STX8: variants seen among roughly 807,000 people sequenced by gnomAD.
The protein encoded by STX8 is syntaxin 8.
In STX8, 23 loss-of-function variants were observed where a neutral mutation model predicts 37.5. The observed-to-expected ratio is 0.61, with a 90% CI of 0.44 to 0.87. The LOEUF (loss-of-function observed/expected upper bound fraction) is 0.87, where lower values mean the gene tolerates loss of function less well. STX8 is among the 40% of genes least tolerant of loss of function. STX8 has a pLI of 0.00. For synonymous variants in STX8, 115 were observed against 99.1 expected, an observed-to-expected ratio of 1.16 and a Z score of -0.95; for missense variants, 313 against 284.7, an observed-to-expected ratio of 1.10 and a Z score of -0.71.
intron 6 of STX8, among the ~76,000 whole-genome samples, chr17:9,434,834 T>C (rs2142376776): frequency 6.6e-6 from 1 of 152,334 alleles, no homozygotes; most frequent in South Asian, 2.1e-4. Context: ...AGGTGGGTTA[T>C]TTAGACCTTT....
chr17:9,256,286 T>A lies in STX8; in HGVS notation c.644-5641A>T, dbSNP rs140417901. ...CACCAGTGGAGCTTGAGTGGAGGCA[T>A]CCTGATTCGAGACAGTGTGGGGGTC... On this transcript the variant is annotated intron_variant, in intron 7 of 7. Coordinates refer to ENST00000306357, the MANE Select transcript of STX8 (RefSeq NM_004853.3). Among the ~76,000 whole-genome samples, 268 of 152,310 alleles carry A rather than the reference T, an allele frequency of 1.8e-3. 4 individuals carry two copies. The highest frequency in any genetic ancestry group is 6.1e-3 in the African/African-American group (252 of 41,576).
At chr17:9,301,288 C>CAAT (rs1908772102) in intron 7 of STX8, among the ~76,000 whole-genome samples, 1 of 151,990 alleles carries the variant, frequency 6.6e-6, no homozygotes, top group Admixed American at 6.6e-5. Context: ...ACAACAACAA[C>CAAT]TAAGAACAGA....
intron 7 of STX8, among the ~76,000 whole-genome samples, chr17:9,323,479 T>C (rs1909645169): frequency 6.6e-6 from 1 of 152,102 alleles, no homozygotes; most frequent in Non-Finnish European, 1.5e-5. Flanking sequence ...TAATTCACAT[T>C]GTGTCCAGGC....
In STX8 at chr17:9,403,624, G is replaced by C. The variant is rs57473239; in HGVS notation, c.542-24971C>G. ...TTGGAGGTTATGGTGCCGACACCCAGCAAAGTTGAACATCACTTTTTTTTT... is the reference window on the plus strand; with the variant it reads ...TTGGAGGTTATGGTGCCGACACCCACCAAAGTTGAACATCACTTTTTTTTT... On this transcript the variant is annotated intron_variant, in intron 6 of 7. Transcript: ENST00000306357. 8.2e-3 allele frequency among the ~76,000 whole-genome samples: 1,252 copies of C among 151,926 alleles called. 16 individuals carry two copies. The highest frequency in any genetic ancestry group is 0.029 in the African/African-American group (1,205 of 41,446).
chr17:9,384,275 A>C (rs1911915998), intron 6 of STX8, among the ~76,000 whole-genome samples: 1 of 152,184 alleles, frequency 6.6e-6, no homozygotes, highest in Admixed American at 6.5e-5. Flanking sequence ...GCAGGCTTTT[A>C]AAATGAAACC....
intron 6 of STX8, among the ~76,000 whole-genome samples, chr17:9,382,842 G>A (rs537614906): frequency 1.3e-5 from 2 of 152,306 alleles, no homozygotes; most frequent in African/African-American, 4.8e-5. Flanking sequence ...GAAACCACAA[G>A]AGAAAGCAGA....
intron 7 of STX8, among the ~76,000 whole-genome samples, chr17:9,337,670 A>G (rs1311667667): frequency 2.6e-5 from 4 of 152,116 alleles, no homozygotes; most frequent in Non-Finnish European, 5.9e-5. Flanking sequence ...CCCGGCCAGA[A>G]CCTGCGTATT....
intron 6 of STX8, among the ~76,000 whole-genome samples, chr17:9,479,015 G>A (rs1319353062): frequency 1.3e-5 from 2 of 152,136 alleles, no homozygotes; most frequent in Non-Finnish European, 2.9e-5. Context: ...CGACACTAGA[G>A]TGTAGGAATG....
At chr17:9,518,650 C>T (rs766257063) in intron 4 of STX8, among the ~76,000 whole-genome samples, 5 of 151,940 alleles carry the variant, frequency 3.3e-5, no homozygotes, top group Non-Finnish European at 7.4e-5. Context: ...GGGTAGATCA[C>T]GAGGTTAGGA....
intron 7 of STX8, among the ~76,000 whole-genome samples, chr17:9,319,448 A>G (rs572483210): frequency 6.6e-6 from 1 of 152,172 alleles, no homozygotes; most frequent in East Asian, 1.9e-4. Context: ...AAACAAAACA[A>G]ACACTAAAGA....
At chr17:9,317,689 C>A (rs950698751) in intron 7 of STX8, among the ~76,000 whole-genome samples, 16 of 151,954 alleles carry the variant, frequency 1.1e-4, no homozygotes, top group Admixed American at 3.3e-4. Flanking sequence ...TGTCGTGAAC[C>A]CGGGAGGTGG....
intron 6 of STX8, among the ~76,000 whole-genome samples, chr17:9,391,863 GAGCTTAGAAA>G (rs1181164537): frequency 6.6e-6 from 1 of 152,158 alleles, no homozygotes; most frequent in African/African-American, 2.4e-5. Context: ...AGACTGGGAG[GAGCTTAGAAA>G]AGCAACCCCT....
chr17:9,552,129 C>T (rs76527780), intron 3 of STX8, among the ~76,000 whole-genome samples: 2 of 152,066 alleles, frequency 1.3e-5, no homozygotes, highest in Non-Finnish European at 2.9e-5. Context: ...GGTGGAGGAT[C>T]GCTTGAGACT....
In STX8 at chr17:9,503,105, CAAA is replaced by C. The variant is rs61437085; in HGVS notation, c.448+1930_448+1932del. On this transcript the variant is annotated intron_variant, in intron 5 of 7. Coordinates refer to ENST00000306357, the MANE Select transcript of STX8 (RefSeq NM_004853.3). ...TAGGCAGCAAAGCCAGACTCTGTCT[CAAA>C]AAAAAAAAAAAAAAAAAAAGAGTGA... 7.9e-3 allele frequency among the ~76,000 whole-genome samples: 461 copies of C among 58,574 alleles called. 2 individuals carry two copies. The highest frequency in any genetic ancestry group is 0.033 in the African/African-American group (432 of 13,224). 38.4% of individuals were successfully genotyped at this position (58,574 alleles called of 152,430 possible). A position where few individuals can be genotyped will look rare whatever the true frequency, so the allele number is the denominator to read the frequency against.
intron 6 of STX8, among the ~76,000 whole-genome samples, chr17:9,428,739 T>C (rs1025141005): frequency 1.3e-5 from 2 of 152,228 alleles, no homozygotes; most frequent in Non-Finnish European, 2.9e-5. Flanking sequence ...ATAGAAATTA[T>C]TGGCAAGATA....
chr17:9,478,379 G>A (rs2142449681), intron 6 of STX8, among the ~76,000 whole-genome samples: 1 of 152,182 alleles, frequency 6.6e-6, no homozygotes, highest in South Asian at 2.1e-4. Flanking sequence ...CAGGTGATCT[G>A]CCCTCCTTGG....
intron 2 of STX8, among the ~76,000 whole-genome samples, chr17:9,567,125 G>A (rs919935459): frequency 1.3e-5 from 2 of 152,128 alleles, no homozygotes; most frequent in South Asian, 4.1e-4. Context: ...TACATAGGGG[G>A]ACATGACACA....
Position 9,339,536 on chromosome 17 carries a change from C to G in STX8, c.643+39016G>C, listed in dbSNP as rs1367801679. On this transcript the variant is annotated intron_variant, in intron 7 of 7. Transcript: ENST00000306357. ...AGGCGTCATGGCAGGTGCCTGTAAT[C>G]CCAGCTACTTGGGAGGCTGAGGCAG... Among the ~76,000 whole-genome samples the G allele has an allele frequency of 5.3e-5, 8 of 152,254 alleles. No homozygotes were observed. In the East Asian group the frequency reaches 1.4e-3, roughly 26 times the overall value.
At chr17:9,300,780 C>T (rs1908743575) in intron 7 of STX8, among the ~76,000 whole-genome samples, 1 of 150,956 alleles carries the variant, frequency 6.6e-6, no homozygotes. Flanking sequence ...GTTGTGCCTT[C>T]CAAATTAATG....
Sources: gnomAD v4.1 joint callset for allele counts (sites outside exome capture counted in the v4.1 genomes callset) on GRCh38, gnomAD v4.1.1 for gene constraint, MANE v1.5 for transcripts, NCBI Gene and HGNC (gene_info 2026-07-23, HGNC 2026-07-21) for gene names.